GHSR: variants seen among roughly 807,000 people sequenced by gnomAD.
GHSR encodes growth hormone secretagogue receptor.
In GHSR, 17 loss-of-function variants were observed where a neutral mutation model predicts 24.0. That is an observed-to-expected ratio of 0.71 (90% confidence interval 0.49 to 1.06). The LOEUF is 1.06. Ranked by LOEUF, GHSR falls within the 50% of genes least tolerant of loss-of-function variation. The pLI is 0.00. For missense variants in GHSR, 504 were observed against 483.1 expected (o/e 1.04, Z -0.41); for synonymous variants, 238 against 208.1 (o/e 1.14, Z -1.24).
In GHSR at chr3:172,445,237, G is replaced by A. The variant is rs1737430417; in HGVS notation, c.1025C>T (p.Pro342Leu). 3.1e-6 allele frequency: 5 copies of A among 1,613,890 alleles called. 1 individual carries two copies. In the South Asian group the frequency reaches 4.4e-5, roughly 14 times the overall value. ...AGTGGAGAGCTTTCTCTGGGAGAAGGGTTCGAATCCCAGAAGTCTGAACAC... is the reference window on the plus strand; with the variant it reads ...AGTGGAGAGCTTTCTCTGGGAGAAGAGTTCGAATCCCAGAAGTCTGAACAC... ...VAVFRLLGFE[P>L]FSQRKLSTLK... The change falls in exon 2 of 2, where the codon CCC (proline) becomes CTC (leucine). Residue 342 changes from proline (P) to leucine (L), a missense_variant. Physicochemically the swap from Pro to Leu is moderately conservative, Grantham distance 98. Transcript: ENST00000241256.
chr3:172,444,407 T>C lies in GHSR; in HGVS notation c.*754A>G, dbSNP rs1737411183. Among the ~76,000 whole-genome samples, 1 of 152,240 alleles carries C rather than the reference T, an allele frequency of 6.6e-6. No individual in the cohort carries two copies. The highest frequency in any genetic ancestry group is 2.1e-4 in the South Asian group (1 of 4,838). On this transcript the variant is annotated 3_prime_UTR_variant, in exon 2 of 2. Transcript: ENST00000241256. Reference sequence around the variant, plus strand: ...ATACTTGAAATGTGACTAGTGCAACTGAAGAACTGAATTTTTAACTTTAAT... The same window carrying C: ...ATACTTGAAATGTGACTAGTGCAACCGAAGAACTGAATTTTTAACTTTAAT...
chr3:172,448,427 C>T lies in GHSR; in HGVS notation c.-14G>A. Reference sequence around the variant, plus strand: ...CGCGTTCCACATGCTGCCGGCTCAGCTGAACAGGCTCTGGGACGTGACTGC... The same window carrying T: ...CGCGTTCCACATGCTGCCGGCTCAGTTGAACAGGCTCTGGGACGTGACTGC... On this transcript the variant is annotated 5_prime_UTR_variant, in exon 1 of 2. Transcript: ENST00000241256. The surrounding 1 kb of genome is among the most constrained non-coding windows in gnomAD (Gnocchi z 4.8). 1.3e-6 allele frequency: 2 copies of T among 1,583,350 alleles called. No homozygotes were observed. The highest frequency in any genetic ancestry group is 1.7e-6 in the Non-Finnish European group (2 of 1,172,982).
rs1349504600 is a variant in GHSR, at chr3:172,444,427, TTTAA to T, written c.*730_*733del. Among the ~76,000 whole-genome samples the T allele has an allele frequency of 6.6e-6, 1 of 152,232 alleles. No homozygotes were observed. Among genetic ancestry groups the T allele is most frequent in the Non-Finnish European group, 1.5e-5 (1 of 68,030 alleles). ...GCAACTGAAGAACTGAATTTTTAACTTTAATTAATTTTAAGTTTAAAGGTTTACC... is the reference window on the plus strand; with the variant it reads ...GCAACTGAAGAACTGAATTTTTAACTTTAATTTTAAGTTTAAAGGTTTACC... On this transcript the variant is annotated 3_prime_UTR_variant, in exon 2 of 2. Transcript: ENST00000241256.
At position 172,446,634 on chromosome 3, in the gene GHSR, G is replaced by A. The variant is rs188917095; in HGVS notation, c.796+984C>T. 3.3e-5 allele frequency among the ~76,000 whole-genome samples: 5 copies of A among 152,302 alleles called. No individual in the cohort carries two copies. In the East Asian group the frequency reaches 9.6e-4, roughly 29 times the overall value. On this transcript the variant is annotated intron_variant, in intron 1 of 1. Transcript: ENST00000241256. ...ATATACAGACCTTGGTTTTGAAAAT[G>A]CAAGTAGAGTTAATATTTTGCTGGG...
rs1737427896 is a variant in GHSR, at chr3:172,445,159, G to A, written c.*2C>T. The A allele has an allele frequency of 6.2e-7, 1 of 1,613,896 alleles. No individual in the cohort carries two copies. The highest frequency in any genetic ancestry group is 1.3e-5 in the African/African-American group (1 of 74,910). ...CGGTGACTGTACTCGCAATGTGCTA[G>A]GTCATGTATTAATACTAGATTCTGT... On this transcript the variant is annotated 3_prime_UTR_variant, in exon 2 of 2. Coordinates refer to ENST00000241256, the MANE Select transcript of GHSR (RefSeq NM_198407.2).
rs477251 is a variant in GHSR at position 172,445,047 on chromosome 3, T to C, written c.*114A>G. On this transcript the variant is annotated 3_prime_UTR_variant, in exon 2 of 2. Coordinates refer to ENST00000241256, the MANE Select transcript of GHSR (RefSeq NM_198407.2). The stretch of plus-strand genomic sequence containing the variant: ...ATCTTTTTTCCCTCCCAGATGTTTC[T>C]GGATCTATGTGTTCCTAATTCCAAA... 0.85 allele frequency: 990,733 copies of C among 1,164,258 alleles called. 423,491 individuals are homozygous for C. Among genetic ancestry groups the C allele is most frequent in the East Asian group, 1 (42,496 of 42,594 alleles). The allele number at this position is 1,164,258 out of a possible 1,614,324, so 72.1% of individuals were successfully genotyped here.
In GHSR at chr3:172,448,042, C is replaced by G. The variant is rs1309578193; in HGVS notation, c.372G>C (p.Glu124Asp). The change falls in exon 1 of 2, where the codon GAG (glutamate) becomes GAC (aspartate). Residue 124 changes from glutamate to aspartate, a missense_variant. Physicochemically the swap from Glu to Asp is conservative, Grantham distance 45 (BLOSUM62 2). Transcript: ENST00000241256. The surrounding 1 kb of genome is among the most constrained non-coding windows in gnomAD (Gnocchi z 4.8). Reference sequence around the variant, plus strand: ...TGAGCACCGTGGCGTAGGTGCAGCTCTCACTGACGAATTGGAAGAGTTTGC... The same window carrying G: ...TGAGCACCGTGGCGTAGGTGCAGCTGTCACTGACGAATTGGAAGAGTTTGC... Reference protein sequence around the residue: ...LLCKLFQFVSESCTYATVLTI... With the variant: ...LLCKLFQFVSDSCTYATVLTI... 5 of 1,614,080 alleles carry G rather than the reference C, an allele frequency of 3.1e-6. No individual in the cohort carries two copies. The Admixed American group carries it at 8.3e-5, about 27-fold the overall frequency.
chr3:172,444,407 TGAA>T lies in GHSR; in HGVS notation c.*751_*753del, dbSNP rs2108424286. On this transcript the variant is annotated 3_prime_UTR_variant, in exon 2 of 2. Coordinates refer to ENST00000241256, the MANE Select transcript of GHSR (RefSeq NM_198407.2). ...ATACTTGAAATGTGACTAGTGCAAC[TGAA>T]GAACTGAATTTTTAACTTTAATTAA... Among the ~76,000 whole-genome samples the T allele has an allele frequency of 6.6e-6, 1 of 152,358 alleles. No homozygotes were observed. Among genetic ancestry groups the T allele is most frequent in the South Asian group, 2.1e-4 (1 of 4,834 alleles).
Position 172,445,358 on chromosome 3 carries a change from G to A in GHSR, c.904C>T (p.Gln302Ter). 1 of 1,614,156 alleles carries A rather than the reference G, an allele frequency of 6.2e-7. No individual in the cohort carries two copies. Among genetic ancestry groups the A allele is most frequent in the Non-Finnish European group, 8.5e-7 (1 of 1,180,044 alleles). Residue 302 changes from glutamine (Q) to a stop codon, truncating the protein, a stop_gained, in exon 2 of 2, where the codon CAG (glutamine) becomes TAG (stop). Transcript: ENST00000241256. LOFTEE classifies it high-confidence loss of function. ...ACAAAGGACACGAGGTTGCAGTACTGGCTGATCTGAGCAATCTCCAAGGAG... is the reference window on the plus strand; with the variant it reads ...ACAAAGGACACGAGGTTGCAGTACTAGCTGATCTGAGCAATCTCCAAGGAG... ...PGSLEIAQIS[Q>*]YCNLVSFVLF...
In GHSR at chr3:172,445,195, G is replaced by C; in HGVS notation, c.1067C>G (p.Ser356Cys). The C allele has an allele frequency of 6.2e-7, 1 of 1,614,166 alleles. No homozygotes were observed. Among genetic ancestry groups the C allele is most frequent in the Non-Finnish European group, 8.5e-7 (1 of 1,180,024 alleles). ...AATACTAGATTCTGTCCAGGCCCGA[G>C]AACTTTCATCTTTCAGAGTGGAGAG... ...RKLSTLKDES[S>C]RAWTESSINT The change falls in exon 2 of 2, where the codon TCT becomes TGT. Residue 356 changes from serine (S) to cysteine (C), a missense_variant. By Grantham distance (112) the Ser-to-Cys change is moderately radical. Transcript: ENST00000241256.
chr3:172,444,846 C>G lies in GHSR; in HGVS notation c.*315G>C, dbSNP rs1576992104. Among the ~76,000 whole-genome samples, 1 of 152,180 alleles carries G rather than the reference C, an allele frequency of 6.6e-6. No homozygotes were observed. Among genetic ancestry groups the G allele is most frequent in the Middle Eastern group, 3.4e-3 (1 of 294 alleles). On this transcript the variant is annotated 3_prime_UTR_variant, in exon 2 of 2. Transcript: ENST00000241256. ...AAAAGCAAAGCAAATTTGTATTTACCTACCAAGAAGTGCCCTAATTGCTCA... is the reference window on the plus strand; with the variant it reads ...AAAAGCAAAGCAAATTTGTATTTACGTACCAAGAAGTGCCCTAATTGCTCA...
chr3:172,447,962 G>T lies in GHSR; in HGVS notation c.452C>A (p.Ala151Asp). The T allele has an allele frequency of 6.2e-7, 1 of 1,614,036 alleles. No individual in the cohort carries two copies. The highest frequency in any genetic ancestry group is 8.5e-7 in the Non-Finnish European group (1 of 1,179,878). ...CCGCCCCTTGGTGACCACCACCTTGGCCCGGAGTGGGAAGCAGATGGCGAA... is the reference window on the plus strand; with the variant it reads ...CCGCCCCTTGGTGACCACCACCTTGTCCCGGAGTGGGAAGCAGATGGCGAA... ...RYFAICFPLR[A>D]KVVVTKGRVK... The change falls in exon 1 of 2, where the codon GCC (alanine) becomes GAC (aspartate). Residue 151 changes from alanine to aspartate, a missense_variant. Coordinates refer to ENST00000241256, the MANE Select transcript of GHSR (RefSeq NM_198407.2).
At position 172,448,018 on chromosome 3, in the gene GHSR, G is replaced by A; in HGVS notation, c.396C>T (p.Leu132=). ...VSESCTYATV[L]TITALSVERY... is the part of the protein sequence containing the mutation. Reference sequence around the variant, plus strand: ...GCTCGACGCTCAGCGCTGTGATGGTGAGCACCGTGGCGTAGGTGCAGCTCT... The same window carrying A: ...GCTCGACGCTCAGCGCTGTGATGGTAAGCACCGTGGCGTAGGTGCAGCTCT... The change falls in exon 1 of 2, where the codon CTC becomes CTT. Residue 132 remains leucine, a synonymous_variant. Transcript: ENST00000241256. This position sits in a 1 kb window ranked among gnomAD's most constrained non-coding sequence, Gnocchi z 4.8. 6.2e-7 allele frequency: 1 copy of A among 1,614,196 alleles called. No homozygotes were observed. Among genetic ancestry groups the A allele is most frequent in the East Asian group, 2.2e-5 (1 of 44,878 alleles).
rs1438853850 is a variant in GHSR at position 172,445,431 on chromosome 3, G to A, written c.831C>T (p.Leu277=). The change falls in exon 2 of 2, where the codon CTC becomes CTT. Residue 277 remains leucine (L), a synonymous_variant. Coordinates refer to ENST00000241256, the MANE Select transcript of GHSR (RefSeq NM_198407.2). ...ATAAATATCGCCCTACGTGGAAGGG[G>A]AGCCAGCAGAGGATGAAGGCAAACA... The part of the protein sequence containing the change: ...VVVFAFILCW[L]PFHVGRYLFS... 2.5e-6 allele frequency: 4 copies of A among 1,613,484 alleles called. No homozygotes were observed. In the South Asian group the frequency reaches 3.3e-5, roughly 13 times the overall value.
intron 1 of GHSR, among the ~76,000 whole-genome samples, chr3:172,446,850 A>T (rs1292816374): frequency 6.6e-6 from 1 of 152,196 alleles, no homozygotes; most frequent in African/African-American, 2.4e-5. Flanking sequence ...AGCTTTGTTT[A>T]ATCTAGTTTA....
Position 172,447,752 on chromosome 3 carries a change from A to T in GHSR, c.662T>A (p.Phe221Tyr). 1 of 1,614,148 alleles carries T rather than the reference A, an allele frequency of 6.2e-7. No homozygotes were observed. Among genetic ancestry groups the T allele is most frequent in the Non-Finnish European group, 8.5e-7 (1 of 1,180,042 alleles). ...CGTGAGACAGAAGACAGGAAGGAAG[A>T]AGAAGATGCTGGACACCCACACCAT... ...TVMVWVSSIF[F>Y]FLPVFCLTVL... The change falls in exon 1 of 2, where the codon TTC (phenylalanine) becomes TAC (tyrosine). Residue 221 changes from phenylalanine to tyrosine, a missense_variant. Coordinates refer to ENST00000241256, the MANE Select transcript of GHSR (RefSeq NM_198407.2).
intron 1 of GHSR, among the ~76,000 whole-genome samples, chr3:172,446,792 A>G (rs1244718641): frequency 6.6e-6 from 1 of 152,234 alleles, no homozygotes; most frequent in African/African-American, 2.4e-5. Context: ...CATTTGGGGA[A>G]GTAGTGAATT....
chr3:172,445,730 G>T (rs1292050446), intron 1 of GHSR, among the ~76,000 whole-genome samples: 1 of 152,182 alleles, frequency 6.6e-6, no homozygotes, highest in Non-Finnish European at 1.5e-5. Flanking sequence ...TGACTCAACT[G>T]ACTAGACCAT....
rs558224411 is a variant in GHSR, at chr3:172,444,807, T to A, written c.*354A>T. On this transcript the variant is annotated 3_prime_UTR_variant, in exon 2 of 2. Coordinates refer to ENST00000241256, the MANE Select transcript of GHSR (RefSeq NM_198407.2). ...AATGTCATTCTTTTAACCAAATAAT[T>A]TTGATCATTATGAAAAAGCAAAGCA... 1.3e-5 allele frequency among the ~76,000 whole-genome samples: 2 copies of A among 152,292 alleles called. No individual in the cohort carries two copies. Among genetic ancestry groups the A allele is most frequent in the African/African-American group, 4.8e-5 (2 of 41,554 alleles).
Sources: allele counts gnomAD v4.1 joint callset (sites outside exome capture counted in the v4.1 genomes callset), GRCh38; gene constraint gnomAD v4.1.1; non-coding constraint Gnocchi (gnomAD v3.1); transcripts MANE v1.5; gene names NCBI Gene and HGNC (gene_info 2026-07-23, HGNC 2026-07-21).